DAB1: variants seen among roughly 807,000 people sequenced by gnomAD.
DAB1 encodes disabled homolog 1.
A neutral mutation model predicts 64.6 loss-of-function variants in DAB1; 15 were observed. That is an observed-to-expected ratio of 0.23 (90% CI 0.16 to 0.36). The LOEUF (loss-of-function observed/expected upper bound fraction) is 0.36, where lower values mean the gene tolerates loss of function less well. DAB1 is among the 10% of genes least tolerant of loss of function. DAB1 has a pLI of 1.00. For missense variants in DAB1, 596 were observed against 706.7 expected (o/e 0.84, Z 1.78); for synonymous variants, 235 against 251.9 (o/e 0.93, Z 0.64).
At chr1:57,114,826 G>C (rs1334297129) in intron 4 of DAB1, among the ~76,000 whole-genome samples, 1 of 152,174 alleles carries the variant, frequency 6.6e-6, no homozygotes, top group Non-Finnish European at 1.5e-5. Context: ...AGACCTGGTG[G>C]TCATGACAAG....
intron 7 of DAB1, among the ~76,000 whole-genome samples, chr1:57,448,769 GAC>G (rs59445697): frequency 0.15 from 22,111 of 150,350 alleles, 1,730 homozygotes; most frequent in African/African-American, 0.2. Flanking sequence ...TAGCAATTCT[GAC>G]ACACACACAC....
chr1:58,060,462 G>T (rs555690058), intron 5 of DAB1, among the ~76,000 whole-genome samples: 1 of 152,126 alleles, frequency 6.6e-6, no homozygotes, highest in Non-Finnish European at 1.5e-5. Context: ...TGGAAAACTC[G>T]CCTCACATTT....
intron 1 of DAB1, chr1:57,386,782 C>T (rs1290906262): frequency 2.0e-5 from 3 of 151,780 alleles, no homozygotes; most frequent in African/African-American, 7.3e-5. Flanking sequence ...AGAACATGCT[C>T]TTCACACCAG....
chr1:57,796,884 G>A (rs112742044), intron 6 of DAB1, among the ~76,000 whole-genome samples: 11 of 152,178 alleles, frequency 7.2e-5, no homozygotes, highest in East Asian at 3.9e-4. Context: ...TCCTGCATCC[G>A]GTTCACTGAC....
intron 6 of DAB1, among the ~76,000 whole-genome samples, chr1:57,659,772 T>C (rs905529155): frequency 2.0e-5 from 3 of 151,582 alleles, no homozygotes; most frequent in African/African-American, 7.3e-5. Context: ...AGGTCAGGAG[T>C]TCAAGACCAG....
chr1:57,132,774 C>T (rs1037534590), intron 4 of DAB1, among the ~76,000 whole-genome samples: 1 of 152,054 alleles, frequency 6.6e-6, no homozygotes, highest in Non-Finnish European at 1.5e-5. Flanking sequence ...AAACTATGGA[C>T]GAAGCAGCCC....
chr1:57,332,723 T>C (rs1017806091), intron 1 of DAB1, among the ~76,000 whole-genome samples: 2 of 152,182 alleles, frequency 1.3e-5, no homozygotes, highest in Admixed American at 6.5e-5. Flanking sequence ...TTCTTACCCA[T>C]GCCCAATAGA....
At chr1:57,914,317 C>T (rs1644693019) in intron 5 of DAB1, among the ~76,000 whole-genome samples, 1 of 151,006 alleles carries the variant, frequency 6.6e-6, no homozygotes, top group Non-Finnish European at 1.5e-5. Flanking sequence ...AGCTGGAAAC[C>T]ATTATTCTCA....
chr1:57,128,541 C>T (rs931535077), intron 4 of DAB1, among the ~76,000 whole-genome samples: 1 of 152,166 alleles, frequency 6.6e-6, no homozygotes, highest in Non-Finnish European at 1.5e-5. Context: ...ACTACTTAAA[C>T]TCTGTATAAC....
intron 3 of DAB1, among the ~76,000 whole-genome samples, chr1:58,491,003 T>G (rs1645677540): frequency 6.6e-6 from 1 of 151,564 alleles, no homozygotes; most frequent in African/African-American, 2.4e-5. Context: ...GAGACGGGGT[T>G]TCACCATGTT....
chr1:57,291,998 T>C (rs1455701183), intron 1 of DAB1, among the ~76,000 whole-genome samples: 1 of 152,216 alleles, frequency 6.6e-6, no homozygotes, highest in Non-Finnish European at 1.5e-5. Flanking sequence ...TCTTTGATAA[T>C]AGTCCTTTCT....
chr1:57,143,674 T>C (rs1473118311), intron 3 of DAB1, among the ~76,000 whole-genome samples: 2 of 152,164 alleles, frequency 1.3e-5, no homozygotes, highest in Non-Finnish European at 2.9e-5. Context: ...TAGCATCTGA[T>C]ATATATGCTA....
At position 57,072,272 on chromosome 1, in the gene DAB1, G is replaced by C; in HGVS notation, c.438+11C>G. ...CAAGGAAAGACTCCCTTCTTGGATA[G>C]GGATACTCACCGCCTGGGCTGTTTT... On this transcript the variant is annotated intron_variant, in intron 5 of 14. Transcript: ENST00000371236. 2 of 1,612,910 alleles carry C rather than the reference G, an allele frequency of 1.2e-6. No individual in the cohort carries two copies. The highest frequency in any genetic ancestry group is 1.7e-6 in the Non-Finnish European group (2 of 1,179,238).
At chr1:58,147,887 T>G (rs1288038332) in intron 5 of DAB1, among the ~76,000 whole-genome samples, 1 of 150,850 alleles carries the variant, frequency 6.6e-6, no homozygotes, top group African/African-American at 2.4e-5. Context: ...AAAACTATCC[T>G]GTCAACCATC....
chr1:58,364,489 T>C (rs1644197180), intron 3 of DAB1, among the ~76,000 whole-genome samples: 1 of 152,202 alleles, frequency 6.6e-6, no homozygotes, highest in African/African-American at 2.4e-5. Flanking sequence ...AAAGGATGGT[T>C]GGTTTGGAAC....
At chr1:57,595,616 A>G (rs1558525687) in intron 7 of DAB1, among the ~76,000 whole-genome samples, 1 of 152,030 alleles carries the variant, frequency 6.6e-6, no homozygotes, top group Non-Finnish European at 1.5e-5. Context: ...GATATGGTTC[A>G]GATCTGTGTT....
chr1:57,928,209 A>T (rs1644906437), intron 5 of DAB1, among the ~76,000 whole-genome samples: 1 of 152,142 alleles, frequency 6.6e-6, no homozygotes, highest in Admixed American at 6.5e-5. Context: ...CTATCAGCCC[A>T]AAAAGTTCCT....
At chr1:57,918,041 C>T (rs563139695) in intron 5 of DAB1, among the ~76,000 whole-genome samples, 6 of 150,152 alleles carry the variant, frequency 4.0e-5, no homozygotes, top group Non-Finnish European at 7.4e-5. Flanking sequence ...GCACTCCAGC[C>T]GGGGTGACAG....
intron 1 of DAB1, among the ~76,000 whole-genome samples, chr1:57,406,370 T>A (rs1683641234): frequency 6.6e-6 from 1 of 152,256 alleles, no homozygotes; most frequent in Admixed American, 6.5e-5. Context: ...TTGGTTGTAC[T>A]TAGCCACCAC....
Sources: allele counts gnomAD v4.1 joint callset (sites outside exome capture counted in the v4.1 genomes callset), GRCh38; gene constraint gnomAD v4.1.1; transcripts MANE v1.5; gene names NCBI Gene and HGNC (gene_info 2026-07-23, HGNC 2026-07-21).